Variants in NRXN1 observed in about 807,000 individuals in gnomAD.
NRXN1 encodes neurexin 1, also known as neurexin-1.
NRXN1 carries 39 observed loss-of-function variants against 150.9 expected under a neutral mutation model. That is an observed-to-expected ratio of 0.26 (90% CI 0.20 to 0.34). The LOEUF (loss-of-function observed/expected upper bound fraction) is 0.34, where lower values mean the gene tolerates loss of function less well. Among genes scored for constraint, NRXN1 ranks in the 10% least tolerant of loss-of-function variants. The pLI is 1.00. For missense variants in NRXN1, 1,815 were observed against 1,949.9 expected (o/e 0.93, Z 1.30); for synonymous variants, 924 against 757.0 (o/e 1.22, Z -3.62).
At chr2:50,235,268 C>G (rs1396117541) in intron 18 of NRXN1, among the ~76,000 whole-genome samples, 1 of 152,070 alleles carries the variant, frequency 6.6e-6, no homozygotes. Context: ...TAAAATTTAT[C>G]TTAACTGATC....
intron 18 of NRXN1, among the ~76,000 whole-genome samples, chr2:50,150,905 T>G (rs1281041872): frequency 1.3e-5 from 2 of 151,702 alleles, no homozygotes; most frequent in African/African-American, 4.8e-5. Context: ...CAGGAGTGGG[T>G]ACCTCACTTA....
intron 21 of NRXN1, among the ~76,000 whole-genome samples, chr2:49,947,445 T>C (rs1219302786): frequency 5.9e-5 from 9 of 152,006 alleles, no homozygotes; most frequent in African/African-American, 1.9e-4. Context: ...TGTCTCTTTT[T>C]GACTGCTAAA....
At chr2:50,485,129 G>T (rs762445668) in intron 15 of NRXN1, among the ~76,000 whole-genome samples, 1 of 152,098 alleles carries the variant, frequency 6.6e-6, no homozygotes, top group Admixed American at 6.5e-5. Flanking sequence ...ATAATTCACT[G>T]ATCTAATTGT....
intron 21 of NRXN1, among the ~76,000 whole-genome samples, chr2:50,041,159 C>T (rs913088839): frequency 6.6e-6 from 1 of 152,184 alleles, no homozygotes; most frequent in African/African-American, 2.4e-5. Flanking sequence ...CAAGATCTGT[C>T]TGTTGTGAGG....
chr2:50,825,886 T>C (rs1461366796), intron 5 of NRXN1, among the ~76,000 whole-genome samples: 1 of 152,196 alleles, frequency 6.6e-6, no homozygotes, highest in Non-Finnish European at 1.5e-5. Context: ...ACTTGGCAGG[T>C]GTCTGTTGGA....
chr2:50,055,087 G>T, intron 19 of NRXN1, 43 bp from the exon 20 acceptor site: 1 of 1,344,880 alleles, frequency 7.4e-7, no homozygotes, highest in Non-Finnish European at 1.0e-6. Flanking sequence ...AAATCTGTAA[G>T]GTCAAAGGTT....
intron 5 of NRXN1, among the ~76,000 whole-genome samples, chr2:50,655,773 T>C (rs1686362980): frequency 6.6e-6 from 1 of 151,944 alleles, no homozygotes; most frequent in Non-Finnish European, 1.5e-5. Flanking sequence ...CTAGTGTATA[T>C]GATTTTAACT....
At chr2:50,088,640 C>T (rs1012762917) in intron 19 of NRXN1, among the ~76,000 whole-genome samples, 1 of 152,146 alleles carries the variant, frequency 6.6e-6, no homozygotes, top group African/African-American at 2.4e-5. Flanking sequence ...CGATACTGCT[C>T]ATTTCTATTT....
chr2:49,938,831 A>G (rs1037529399), intron 22 of NRXN1, among the ~76,000 whole-genome samples: 1 of 152,184 alleles, frequency 6.6e-6, no homozygotes, highest in Non-Finnish European at 1.5e-5. Context: ...CTTGAATATC[A>G]ACATAAAACT....
chr2:50,841,639 T>C (rs992762617), intron 5 of NRXN1, among the ~76,000 whole-genome samples: 2 of 152,224 alleles, frequency 1.3e-5, no homozygotes, highest in Non-Finnish European at 2.9e-5. Flanking sequence ...TCAACAGTTT[T>C]TGAAAACTAA....
intron 17 of NRXN1, among the ~76,000 whole-genome samples, chr2:50,396,849 G>C (rs1053256603): frequency 3.3e-5 from 5 of 152,038 alleles, no homozygotes; most frequent in Admixed American, 6.6e-5. Context: ...TTCCAGAGCA[G>C]GTTTCTCAAC....
chr2:50,648,398 A>C (rs1450133074), intron 5 of NRXN1, among the ~76,000 whole-genome samples: 1 of 152,022 alleles, frequency 6.6e-6, no homozygotes, highest in African/African-American at 2.4e-5. Flanking sequence ...CAAAATTTAA[A>C]GCAAAGTATA....
At chr2:50,392,963 T>C (rs2081827988) in intron 17 of NRXN1, among the ~76,000 whole-genome samples, 1 of 152,080 alleles carries the variant, frequency 6.6e-6, no homozygotes, top group African/African-American at 2.4e-5. Context: ...GATTTTACTT[T>C]AAATCTTCAT....
intron 8 of NRXN1, among the ~76,000 whole-genome samples, chr2:50,561,068 T>TCAGGGG (rs1184739640): frequency 6.6e-6 from 1 of 152,124 alleles, no homozygotes; most frequent in Non-Finnish European, 1.5e-5. Flanking sequence ...TACAACCAAA[T>TCAGGGG]ATATCCCATT....
intron 5 of NRXN1, among the ~76,000 whole-genome samples, chr2:50,763,372 G>A (rs1468125033): frequency 6.6e-6 from 1 of 151,844 alleles, no homozygotes; most frequent in Non-Finnish European, 1.5e-5. Context: ...TCCTCCATCT[G>A]TAAAACAACA....
At chr2:50,182,078 TCA>T in intron 18 of NRXN1, among the ~76,000 whole-genome samples, 1 of 151,404 alleles carries the variant, frequency 6.6e-6, no homozygotes. Context: ...GAAATATTTT[TCA>T]TTGGTTACTA....
chr2:50,937,357 A>G (rs567606887), intron 2 of NRXN1, among the ~76,000 whole-genome samples: 2 of 152,286 alleles, frequency 1.3e-5, no homozygotes, highest in South Asian at 2.1e-4. Flanking sequence ...TGTGTTATAA[A>G]GAATAATTAG....
intron 21 of NRXN1, among the ~76,000 whole-genome samples, chr2:49,991,086 A>C (rs11886516): frequency 0.48 from 73,025 of 151,990 alleles, 18,029 homozygotes; most frequent in Middle Eastern, 0.61. Context: ...ACTTCCTCAA[A>C]TTGATAAAGA....
At chr2:50,315,955 C>A (rs2075571457) in intron 17 of NRXN1, among the ~76,000 whole-genome samples, 1 of 151,798 alleles carries the variant, frequency 6.6e-6, no homozygotes, top group African/African-American at 2.4e-5. Flanking sequence ...GGATTCAGGG[C>A]CAGAGATCAA....
Sources: allele counts gnomAD v4.1 joint callset (sites outside exome capture counted in the v4.1 genomes callset), GRCh38; gene constraint gnomAD v4.1.1; transcripts MANE v1.5; gene names NCBI Gene and HGNC (gene_info 2026-07-23, HGNC 2026-07-21).